STXBP4: variants seen among roughly 807,000 people sequenced by gnomAD.
STXBP4 encodes syntaxin-binding protein 4.
In STXBP4, 55 loss-of-function variants were observed where a neutral mutation model predicts 76.1. The ratio of observed to expected loss-of-function variants is 0.72; its 90% CI spans 0.58 to 0.91. The LOEUF (loss-of-function observed/expected upper bound fraction) is 0.91, where lower values mean the gene tolerates loss of function less well. Ranked by LOEUF, STXBP4 falls within the 40% of genes least tolerant of loss-of-function variation. The pLI is 0.00. For missense variants in STXBP4, 618 were observed against 636.9 expected, an observed-to-expected ratio of 0.97 and a Z score of 0.32; for synonymous variants, 201 against 220.2, an observed-to-expected ratio of 0.91 and a Z score of 0.77.
chr17:55,102,245 T>C (rs2079576084), intron 16 of STXBP4, among the ~76,000 whole-genome samples: 1 of 152,110 alleles, frequency 6.6e-6, no homozygotes, highest in African/African-American at 2.4e-5. Flanking sequence ...TTATCTACAT[T>C]AGGTATTTCT....
intron 16 of STXBP4, among the ~76,000 whole-genome samples, chr17:55,116,869 A>G (rs1598327295): frequency 6.6e-6 from 1 of 151,654 alleles, no homozygotes; most frequent in African/African-American, 2.4e-5. Context: ...TTCTCTGCAC[A>G]CCTACCACTA....
the STXBP4 span, among the ~76,000 whole-genome samples, chr17:55,210,181 G>A: frequency 6.6e-6 from 1 of 152,250 alleles, no homozygotes; most frequent in Admixed American, 6.5e-5. Flanking sequence ...CATGCAGGGA[G>A]AAGAAAACTA....
chr17:54,999,759 CTT>C lies in STXBP4; in HGVS notation c.420_421del (p.Ser141PhefsTer4). On this transcript the variant is annotated frameshift_variant, in exon 6 of 18. Coordinates refer to ENST00000376352, the MANE Select transcript of STXBP4 (RefSeq NM_178509.6). LOFTEE classifies it high-confidence loss of function. Reference protein sequence around the residue: ...EYGPQASTLSLFSSPPEILIP... With the variant: ...EYGPQASTLSXFSSPPEILIP... ...TGGACCTCAAGCCTCAACATTAAGT[CTT>C]TTTTCTTCTCCTCCTGAAATACTAA... 6.2e-7 allele frequency: 1 copy of C among 1,613,522 alleles called. No individual in the cohort carries two copies. Among genetic ancestry groups the C allele is most frequent in the Middle Eastern group, 1.7e-4 (1 of 6,056 alleles).
intron 16 of STXBP4, among the ~76,000 whole-genome samples, chr17:55,132,216 G>A (rs1167256146): frequency 1.3e-5 from 2 of 152,164 alleles, no homozygotes; most frequent in Non-Finnish European, 2.9e-5. Context: ...ATTTGAGACG[G>A]AGTCTCGCTG....
intron 16 of STXBP4, among the ~76,000 whole-genome samples, chr17:55,091,717 CA>C (rs920608812): frequency 1.1e-4 from 16 of 152,326 alleles, no homozygotes; most frequent in Admixed American, 7.2e-4. Context: ...AGAATAGTGA[CA>C]CCTTTACTTT....
At chr17:55,049,787 T>C (rs1480068481) in intron 12 of STXBP4, among the ~76,000 whole-genome samples, 2 of 151,980 alleles carry the variant, frequency 1.3e-5, no homozygotes, top group Non-Finnish European at 2.9e-5. Flanking sequence ...TCAAAAAATA[T>C]AGTTTGCCAA....
At chr17:55,079,277 A>G (rs1472683118) in intron 15 of STXBP4, among the ~76,000 whole-genome samples, 3 of 152,220 alleles carry the variant, frequency 2.0e-5, no homozygotes, top group Non-Finnish European at 4.4e-5. Context: ...AGCTGGAAAC[A>G]TACTAATCAA....
At chr17:55,209,454 G>A in the STXBP4 span, among the ~76,000 whole-genome samples, 6 of 152,176 alleles carry the variant, frequency 3.9e-5, no homozygotes, top group African/African-American at 1.4e-4. Flanking sequence ...ATGAAGGAAG[G>A]GCCAGAGCTG....
rs975683276 is a variant in STXBP4, at chr17:55,162,854, A to C, written c.*2943A>C. ...TACATAGATTAATCTTTTATTTCAA[A>C]TGTCTACATAAAATATCACTACCCA... is the stretch of plus-strand genomic sequence containing the variant. On this transcript the variant is annotated 3_prime_UTR_variant, in exon 18 of 18. Transcript: ENST00000376352. 2.0e-4 allele frequency: 31 copies of C among 152,190 alleles called. No homozygotes were observed. Among genetic ancestry groups the C allele is most frequent in the African/African-American group, 7.5e-4 (31 of 41,448 alleles). 9.4% of individuals were successfully genotyped at this position (152,190 alleles called of 1,614,324 possible).
At chr17:55,011,844 C>A (rs1251710264) in intron 8 of STXBP4, among the ~76,000 whole-genome samples, 1 of 151,962 alleles carries the variant, frequency 6.6e-6, no homozygotes, top group Non-Finnish European at 1.5e-5. Flanking sequence ...TCTCTCAGTC[C>A]CCCCTCTCAA....
chr17:55,018,457 CAGAGCTCCCAT>C (rs796922426), intron 8 of STXBP4, among the ~76,000 whole-genome samples: 24 of 152,250 alleles, frequency 1.6e-4, no homozygotes, highest in African/African-American at 5.5e-4. Flanking sequence ...AGAGTGAAAA[CAGAGCTCCCAT>C]AGAAAGGGAG....
At chr17:54,976,608 C>T (rs945763909) in intron 1 of STXBP4, among the ~76,000 whole-genome samples, 1 of 152,180 alleles carries the variant, frequency 6.6e-6, no homozygotes, top group Non-Finnish European at 1.5e-5. Context: ...TGTTAGGAAC[C>T]CGGCCAGACG....
Position 55,082,127 on chromosome 17 carries a change from A to G in STXBP4, c.1489+944A>G, listed in dbSNP as rs1192641331. On this transcript the variant is annotated intron_variant, in intron 16 of 17. Coordinates refer to ENST00000376352, the MANE Select transcript of STXBP4 (RefSeq NM_178509.6). ...GAGGGAGGTGATTTATAATAAAATTATATATATTTCAAAACATAAATGCTT... is the reference window on the plus strand; with the variant it reads ...GAGGGAGGTGATTTATAATAAAATTGTATATATTTCAAAACATAAATGCTT... Among the ~76,000 whole-genome samples, 3 of 152,336 alleles carry G rather than the reference A, an allele frequency of 2.0e-5. No individual in the cohort carries two copies. The East Asian group carries it at 5.8e-4, about 29-fold the overall frequency.
the STXBP4 span, among the ~76,000 whole-genome samples, chr17:55,211,586 A>G: frequency 1.3e-5 from 2 of 152,092 alleles, no homozygotes; most frequent in African/African-American, 2.4e-5. Flanking sequence ...CAGCTTACCT[A>G]AAAGTTAAGG....
At chr17:55,102,150 A>C (rs1197967646) in intron 16 of STXBP4, among the ~76,000 whole-genome samples, 1 of 150,668 alleles carries the variant, frequency 6.6e-6, no homozygotes, top group African/African-American at 2.4e-5. Flanking sequence ...TTTATACTTT[A>C]AGCTCTGGGA....
At chr17:55,187,440 A>C in the STXBP4 span, among the ~76,000 whole-genome samples, 3,153 of 152,096 alleles carry the variant, frequency 0.021, 112 homozygotes, top group African/African-American at 0.069. Context: ...AAAAAAAAAA[A>C]AACAACAACA....
chr17:55,141,986 T>C (rs941682571), intron 17 of STXBP4, among the ~76,000 whole-genome samples: 4 of 152,194 alleles, frequency 2.6e-5, no homozygotes, highest in South Asian at 2.1e-4. Flanking sequence ...TTGAGGTATG[T>C]ATACCTTGTC....
At chr17:55,200,998 GTCTC>G in the STXBP4 span, among the ~76,000 whole-genome samples, 94 of 152,032 alleles carry the variant, frequency 6.2e-4, no homozygotes, top group African/African-American at 2.2e-3. Flanking sequence ...ATATTTTTTT[GTCTC>G]TCTCTCTGTC....
the STXBP4 span, among the ~76,000 whole-genome samples, chr17:55,208,165 T>C: frequency 5.3e-5 from 8 of 151,626 alleles, no homozygotes. Flanking sequence ...GTCAATTTAG[T>C]CCAAGTTCTA....
Sources: allele counts gnomAD v4.1 joint callset (sites outside exome capture counted in the v4.1 genomes callset), GRCh38; gene constraint gnomAD v4.1.1; transcripts MANE v1.5; gene names NCBI Gene and HGNC (gene_info 2026-07-23, HGNC 2026-07-21).